MALRD1: variants seen among roughly 807,000 people sequenced by gnomAD.
MALRD1 encodes the protein MAM and LDL receptor class A domain containing 1.
Under a neutral mutation model 242.1 loss-of-function variants are expected in MALRD1, and 247 were observed. The observed-to-expected ratio is 1.02, with a 90% CI of 0.92 to 1.13. MALRD1 has a LOEUF of 1.13. Ranked by LOEUF, MALRD1 falls within the 50% of genes most tolerant of loss-of-function variation. MALRD1 has a pLI of 0.00. For missense variants in MALRD1, 2,989 were observed against 2,533.1 expected, an observed-to-expected ratio of 1.18 and a Z score of -3.86; for synonymous variants, 995 against 866.6, an observed-to-expected ratio of 1.15 and a Z score of -2.60.
intron 19 of MALRD1, among the ~76,000 whole-genome samples, chr10:19,262,078 C>T (rs1180092266): frequency 6.6e-6 from 1 of 151,888 alleles, no homozygotes; most frequent in Non-Finnish European, 1.5e-5. Context: ...TTTGCTCTTC[C>T]AAGTCGTCTC....
intron 5 of MALRD1, among the ~76,000 whole-genome samples, chr10:19,112,904 G>GT (rs971381724): frequency 1.2e-3 from 178 of 152,156 alleles, no homozygotes; most frequent in Non-Finnish European, 5.3e-4. Context: ...ATTGGCAGTT[G>GT]TTTTTTCTCA....
intron 29 of MALRD1, among the ~76,000 whole-genome samples, chr10:19,467,411 A>AAAAAAC (rs1184948482): frequency 1.3e-5 from 2 of 150,416 alleles, no homozygotes; most frequent in African/African-American, 4.9e-5. Context: ...AAAAAAAAAA[A>AAAAAAC]AGAAAAAGAC....
chr10:19,255,098 C>T (rs1343883980), intron 18 of MALRD1, among the ~76,000 whole-genome samples: 1 of 151,968 alleles, frequency 6.6e-6, no homozygotes, highest in Non-Finnish European at 1.5e-5. Flanking sequence ...CAGGTGGCAG[C>T]CCATGCAAAG....
At chr10:19,653,088 A>C (rs926681254) in intron 36 of MALRD1, among the ~76,000 whole-genome samples, 4 of 152,184 alleles carry the variant, frequency 2.6e-5, no homozygotes, top group African/African-American at 7.2e-5. Context: ...CTATTGTACA[A>C]ATCAGCAGTC....
intron 36 of MALRD1, among the ~76,000 whole-genome samples, chr10:19,663,202 G>A (rs569094483): frequency 1.3e-5 from 2 of 151,986 alleles, no homozygotes; most frequent in Non-Finnish European, 2.9e-5. Context: ...TGAGTCTCCA[G>A]TGCCTATTAT....
intron 19 of MALRD1, among the ~76,000 whole-genome samples, chr10:19,265,334 C>T (rs1034269285): frequency 1.3e-5 from 2 of 149,046 alleles, no homozygotes; most frequent in South Asian, 2.1e-4. Flanking sequence ...TTTTTTATTT[C>T]TGAATTTTTT....
At chr10:19,554,542 C>T (rs1164482031) in intron 32 of MALRD1, among the ~76,000 whole-genome samples, 2 of 152,064 alleles carry the variant, frequency 1.3e-5, no homozygotes, top group Non-Finnish European at 2.9e-5. Context: ...TGCTCTCCCT[C>T]CCCAACCCCA....
At chr10:19,539,822 G>A (rs932450803) in intron 32 of MALRD1, among the ~76,000 whole-genome samples, 5 of 149,620 alleles carry the variant, frequency 3.3e-5, no homozygotes, top group African/African-American at 7.4e-5. Context: ...TAATAGCTGG[G>A]ACTACCAGCA....
chr10:19,720,158 A>G (rs1484374049), intron 38 of MALRD1, among the ~76,000 whole-genome samples: 1 of 152,186 alleles, frequency 6.6e-6, no homozygotes, highest in Admixed American at 6.5e-5. Flanking sequence ...TTTTTATGAT[A>G]AACATGAACA....
At chr10:19,279,497 A>G (rs1418545230) in intron 19 of MALRD1, among the ~76,000 whole-genome samples, 1 of 152,216 alleles carries the variant, frequency 6.6e-6, no homozygotes, top group Non-Finnish European at 1.5e-5. Flanking sequence ...AAATCAGTCA[A>G]CATCTATAAA....
chr10:19,181,391 T>G (rs1000343136), intron 14 of MALRD1, among the ~76,000 whole-genome samples: 1 of 152,182 alleles, frequency 6.6e-6, no homozygotes, highest in African/African-American at 2.4e-5. Context: ...AAAAAGAGAT[T>G]CTGCCATTTT....
At chr10:19,650,471 A>G (rs144235235) in intron 36 of MALRD1, among the ~76,000 whole-genome samples, 3 of 152,334 alleles carry the variant, frequency 2.0e-5, no homozygotes, top group Non-Finnish European at 2.9e-5. Flanking sequence ...GTAGAAGACT[A>G]TGCTGTTTTT....
At chr10:19,463,599 C>T (rs749951495) in intron 29 of MALRD1, among the ~76,000 whole-genome samples, 29 of 122,320 alleles carry the variant, frequency 2.4e-4, no homozygotes, top group Non-Finnish European at 1.8e-4. Flanking sequence ...TGTATATACT[C>T]TTTCTTTATC....
chr10:19,624,177 C>T (rs1052634498), intron 36 of MALRD1, among the ~76,000 whole-genome samples: 2 of 152,068 alleles, frequency 1.3e-5, no homozygotes, highest in Admixed American at 6.6e-5. Context: ...TCTGTAGGCA[C>T]CGTTCTAACA....
intron 18 of MALRD1, among the ~76,000 whole-genome samples, chr10:19,236,693 T>A (rs1010223720): frequency 2.0e-5 from 3 of 152,186 alleles, no homozygotes; most frequent in Non-Finnish European, 4.4e-5. Flanking sequence ...ATAGAAAATT[T>A]GTCTTTAATA....
At chr10:19,242,296 C>T (rs537394168) in intron 18 of MALRD1, among the ~76,000 whole-genome samples, 24 of 152,192 alleles carry the variant, frequency 1.6e-4, no homozygotes, top group African/African-American at 4.6e-4. Context: ...TGGGGGAAAC[C>T]GCCCCCATGA....
intron 36 of MALRD1, among the ~76,000 whole-genome samples, chr10:19,691,346 A>G (rs559180224): frequency 6.6e-6 from 1 of 152,212 alleles, no homozygotes; most frequent in East Asian, 1.9e-4. Flanking sequence ...TGAAGGAATT[A>G]CTTTTGAGCA....
rs372879482 is a variant in MALRD1, at chr10:19,123,523, T to C, written c.726T>C (p.Asn242=). The C allele has an allele frequency of 8.9e-6, 11 of 1,233,694 alleles. No individual in the cohort carries two copies. Among genetic ancestry groups the C allele is most frequent in the Middle Eastern group, 2.1e-4 (1 of 4,860 alleles). The allele number at this position is 1,233,694 out of a possible 1,614,324, so 76.4% of individuals were successfully genotyped here. A position where few individuals can be genotyped will look rare whatever the true frequency, so the allele number is the denominator to read the frequency against. The change falls in exon 6 of 40, where the codon AAT becomes AAC. Residue 242 remains asparagine (N), a synonymous_variant. Transcript: ENST00000454679. Reference sequence around the variant, plus strand: ...TTTTACTGTGTCAAGAAGCATTGAATGCTGAGCGGGAGCTATGCCATCCAG... The same window carrying C: ...TTTTACTGTGTCAAGAAGCATTGAACGCTGAGCGGGAGCTATGCCATCCAG... ...DGILLCQEAL[N]AERELCHPDT...
chr10:19,396,769 A>G (rs755138114), intron 28 of MALRD1, among the ~76,000 whole-genome samples: 17 of 152,240 alleles, frequency 1.1e-4, no homozygotes, highest in Middle Eastern at 3.4e-3. Context: ...AAATCTATAG[A>G]TGTATTCCAC....
Sources: allele counts gnomAD v4.1 joint callset (sites outside exome capture counted in the v4.1 genomes callset), GRCh38; gene constraint gnomAD v4.1.1; transcripts MANE v1.5; gene names NCBI Gene and HGNC (gene_info 2026-07-23, HGNC 2026-07-21).